SEC61G: variants seen among roughly 807,000 people sequenced by gnomAD.
SEC61G encodes SEC61 translocon subunit gamma.
SEC61G carries 4 observed loss-of-function variants against 7.5 expected under a neutral mutation model. That is an observed-to-expected ratio of 0.54 (90% CI 0.26 to 1.22). The LOEUF is 1.22. Ranked by LOEUF, SEC61G falls within the 50% of genes most tolerant of loss-of-function variation. The pLI, the probability that SEC61G is intolerant of heterozygous loss-of-function variation, is 0.12. For missense variants in SEC61G, 53 were observed against 84.6 expected (o/e 0.63, Z 1.46); for synonymous variants, 24 against 24.4 (o/e 0.98, Z 0.05).
intron 1 of SEC61G, 127 bp downstream of exon 1, chr7:54,759,031 C>T: frequency 2.6e-6 from 1 of 381,618 alleles, no homozygotes; most frequent in South Asian, 1.9e-5. Flanking sequence ...GCCAGGGGAC[C>T]ACTTACCGCC....
chr7:54,757,965 T>C (rs996791460), intron 1 of SEC61G, among the ~76,000 whole-genome samples: 2 of 152,222 alleles, frequency 1.3e-5, no homozygotes, highest in African/African-American at 4.8e-5. Context: ...TACAGTCCCC[T>C]CACCGCTCCT....
Position 54,757,534 on chromosome 7 carries a change from T to C in SEC61G, c.55A>G (p.Ile19Val), listed in dbSNP as rs1791544117. 3.1e-6 allele frequency: 5 copies of C among 1,614,172 alleles called. No individual in the cohort carries two copies. The highest frequency in any genetic ancestry group is 2.2e-5 in the East Asian group (1 of 44,872). ...EPSRQFVKDS[I>V]RLVKRCTKPD... The stretch of plus-strand genomic sequence containing the variant: ...TTAGTGCATCTTTTAACCAGCCGAA[T>C]GGAGTCCTTTACAAACTGCCGACTT... Residue 19 changes from isoleucine (I) to valine (V), a missense_variant, in exon 2 of 4, where the codon ATT (isoleucine) becomes GTT (valine). Transcript: ENST00000352861.
intron 3 of SEC61G, among the ~76,000 whole-genome samples, chr7:54,752,654 C>G (rs1791437365): frequency 6.6e-6 from 1 of 152,158 alleles, no homozygotes; most frequent in Non-Finnish European, 1.5e-5. Flanking sequence ...AATGCTCATT[C>G]AGGAAATGCC....
chr7:54,756,590 T>C (rs1791519914), intron 2 of SEC61G, among the ~76,000 whole-genome samples: 1 of 152,068 alleles, frequency 6.6e-6, no homozygotes, highest in African/African-American at 2.4e-5. Context: ...GAGGCGGAGG[T>C]TGCAGTGAGC....
chr7:54,754,458 G>T (rs186589846), intron 3 of SEC61G, among the ~76,000 whole-genome samples: 2 of 152,326 alleles, frequency 1.3e-5, no homozygotes, highest in Admixed American at 1.3e-4. Context: ...CAGTTCTACA[G>T]TTGGCATTTC....
At chr7:54,758,518 TC>T (rs1791566239) in intron 1 of SEC61G, among the ~76,000 whole-genome samples, 1 of 152,156 alleles carries the variant, frequency 6.6e-6, no homozygotes, top group Non-Finnish European at 1.5e-5. Context: ...CACCAGGAAT[TC>T]TGCAACGTTC....
intron 2 of SEC61G, among the ~76,000 whole-genome samples, chr7:54,756,329 T>G (rs2116345992): frequency 6.6e-6 from 1 of 152,342 alleles, no homozygotes; most frequent in South Asian, 2.1e-4. Context: ...CCGGTGCCTT[T>G]GCTATTATGA....
chr7:54,756,684 G>C (rs2709285), intron 2 of SEC61G, among the ~76,000 whole-genome samples: 8,004 of 152,018 alleles, frequency 0.053, 251 homozygotes, highest in Middle Eastern at 0.13. Flanking sequence ...ACATTACACT[G>C]GTAATGTTGT....
intron 1 of SEC61G, 79 bp from the exon 2 acceptor site, chr7:54,757,673 T>G: frequency 8.8e-7 from 1 of 1,138,852 alleles, no homozygotes; most frequent in Admixed American, 1.8e-5. Flanking sequence ...AAGATGTAAA[T>G]GAGACCAGCC....
chr7:54,755,730 T>C lies in SEC61G; in HGVS notation c.197+49A>G, dbSNP rs369028974. On this transcript the variant is annotated intron_variant, in intron 3 of 3. Coordinates refer to ENST00000352861, the MANE Select transcript of SEC61G (RefSeq NM_014302.4). ...CGAAATAACAGCCTGTCATCTCAAATGGTTTTGAGTTTCATTCAATCCTAG... is the reference window on the plus strand; with the variant it reads ...CGAAATAACAGCCTGTCATCTCAAACGGTTTTGAGTTTCATTCAATCCTAG... 3.7e-4 allele frequency: 379 copies of C among 1,029,496 alleles called. No homozygotes were observed. The African/African-American group carries it at 4.0e-3, about 11-fold the overall frequency. 63.8% of individuals were successfully genotyped at this position (1,029,496 alleles called of 1,614,324 possible).
intron 3 of SEC61G, among the ~76,000 whole-genome samples, chr7:54,754,171 AT>A (rs1213080026): frequency 1.3e-5 from 2 of 152,226 alleles, no homozygotes; most frequent in Non-Finnish European, 2.9e-5. Flanking sequence ...CGGGGAAAAA[AT>A]TTGAAAGGTG....
At chr7:54,758,545 A>C (rs1044321544) in intron 1 of SEC61G, among the ~76,000 whole-genome samples, 2 of 152,238 alleles carry the variant, frequency 1.3e-5, no homozygotes, top group East Asian at 3.9e-4. Flanking sequence ...GCAAAAACAC[A>C]GTAATGTCTG....
At chr7:54,756,513 G>C (rs142359603) in intron 2 of SEC61G, among the ~76,000 whole-genome samples, 1 of 152,082 alleles carries the variant, frequency 6.6e-6, no homozygotes, top group Non-Finnish European at 1.5e-5. Context: ...AAAATTAGCC[G>C]GGCGTGGTGG....
At chr7:54,753,469 G>GA (rs1381968665) in intron 3 of SEC61G, among the ~76,000 whole-genome samples, 1 of 151,708 alleles carries the variant, frequency 6.6e-6, no homozygotes, top group Non-Finnish European at 1.5e-5. Flanking sequence ...AAAAAAAGAA[G>GA]AAAAAAATCT....
At chr7:54,758,741 G>A (rs917115174) in intron 1 of SEC61G, among the ~76,000 whole-genome samples, 1 of 152,180 alleles carries the variant, frequency 6.6e-6, no homozygotes, top group Non-Finnish European at 1.5e-5. Flanking sequence ...CTAGACTCTA[G>A]ACCAATGCTC....
At chr7:54,756,432 G>A (rs573233664) in intron 2 of SEC61G, among the ~76,000 whole-genome samples, 2 of 152,302 alleles carry the variant, frequency 1.3e-5, no homozygotes, top group South Asian at 4.1e-4. Flanking sequence ...GAAGTGGGCA[G>A]ATCACCCGAG....
At chr7:54,756,943 T>C (rs1791527482) in intron 2 of SEC61G, among the ~76,000 whole-genome samples, 1 of 147,568 alleles carries the variant, frequency 6.8e-6, no homozygotes, top group Non-Finnish European at 1.5e-5. Context: ...TACTATATAC[T>C]ATACTATATA....
chr7:54,758,075 T>A (rs943716198), intron 1 of SEC61G, among the ~76,000 whole-genome samples: 3 of 152,202 alleles, frequency 2.0e-5, no homozygotes, highest in Non-Finnish European at 4.4e-5. Context: ...ACTACGGTGC[T>A]GCAAGAGCCT....
Position 54,757,567 on chromosome 7 carries a change from C to T in SEC61G, c.22G>A (p.Val8Ile). The change falls in exon 2 of 4, where the codon GTT becomes ATT. Residue 8 changes from valine to isoleucine, a missense_variant. Val to Ile is a conservative substitution (Grantham distance 29). Transcript: ENST00000352861. The stretch of plus-strand genomic sequence containing the variant: ...TTTACAAACTGCCGACTTGGCTCAA[C>T]AAACTGCATTACCTGATCCATGACT... MDQVMQFVEPSRQFVKDS... is the reference protein window; with the variant it reads MDQVMQFIEPSRQFVKDS... 1 of 1,614,096 alleles carries T rather than the reference C, an allele frequency of 6.2e-7. No homozygotes were observed. Among genetic ancestry groups the T allele is most frequent in the South Asian group, 1.1e-5 (1 of 91,078 alleles).
Sources: gnomAD v4.1 joint callset for allele counts (sites outside exome capture counted in the v4.1 genomes callset) on GRCh38, gnomAD v4.1.1 for gene constraint, MANE v1.5 for transcripts, NCBI Gene and HGNC (gene_info 2026-07-23, HGNC 2026-07-21) for gene names.